The following HRH1 variants were observed in gnomAD, a reference collection of about 807,000 sequenced individuals.
The protein encoded by HRH1 is histamine receptor H1.
Under a neutral mutation model 10.3 loss-of-function variants are expected in HRH1, and 6 were observed. The observed-to-expected ratio is 0.58, with a 90% CI of 0.32 to 1.15. The LOEUF (loss-of-function observed/expected upper bound fraction) is 1.15. Among genes scored for constraint, HRH1 ranks in the 50% most tolerant of loss-of-function variants. The pLI, the probability that HRH1 is intolerant of heterozygous loss-of-function variation, is 0.05. For synonymous variants in HRH1, 242 were observed against 236.7 expected, an observed-to-expected ratio of 1.02 and a Z score of -0.21; for missense variants, 514 against 615.3, an observed-to-expected ratio of 0.84 and a Z score of 1.74.
chr3:11,194,288 A>G (rs1486396633), intron 1 of HRH1, among the ~76,000 whole-genome samples: 1 of 152,166 alleles, frequency 6.6e-6, no homozygotes, highest in Non-Finnish European at 1.5e-5. Flanking sequence ...GCATTTGAGC[A>G]AGTTTTTTCA....
chr3:11,184,747 C>G (rs1937420052), intron 1 of HRH1, among the ~76,000 whole-genome samples: 1 of 151,976 alleles, frequency 6.6e-6, no homozygotes, highest in African/African-American at 2.4e-5. Context: ...GAAACCCCGT[C>G]TCTACTAAAA....
intron 1 of HRH1, among the ~76,000 whole-genome samples, chr3:11,162,200 C>A (rs1203519776): frequency 2.0e-5 from 3 of 152,172 alleles, no homozygotes; most frequent in Non-Finnish European, 4.4e-5. Flanking sequence ...CCTATTTCAT[C>A]TCTCAGATTC....
intron 1 of HRH1, among the ~76,000 whole-genome samples, chr3:11,181,524 G>A (rs1937352591): frequency 6.6e-6 from 1 of 151,674 alleles, no homozygotes; most frequent in African/African-American, 2.4e-5. Context: ...TCTCATTGTG[G>A]TTTTGATTTG....
At chr3:11,200,877 A>G (rs1257492535) in intron 1 of HRH1, among the ~76,000 whole-genome samples, 2 of 152,184 alleles carry the variant, frequency 1.3e-5, no homozygotes, top group African/African-American at 4.8e-5. Flanking sequence ...CCATGACTTA[A>G]TATCATTTTA....
At chr3:11,190,451 C>T (rs995101822) in intron 1 of HRH1, among the ~76,000 whole-genome samples, 23 of 151,822 alleles carry the variant, frequency 1.5e-4, no homozygotes, top group African/African-American at 4.8e-5. Flanking sequence ...AGTGCAGTGG[C>T]GCGATCTTGG....
At chr3:11,183,944 G>A (rs1289215015) in intron 1 of HRH1, among the ~76,000 whole-genome samples, 2 of 147,818 alleles carry the variant, frequency 1.4e-5, no homozygotes, top group Non-Finnish European at 3.0e-5. Flanking sequence ...CCGTGTGACT[G>A]GTCCTTGGTG....
chr3:11,158,067 A>G (rs1936851610), intron 1 of HRH1, among the ~76,000 whole-genome samples: 1 of 152,252 alleles, frequency 6.6e-6, no homozygotes, highest in African/African-American at 2.4e-5. Context: ...TATGTGAATG[A>G]CAAATTGCTT....
intron 1 of HRH1, among the ~76,000 whole-genome samples, chr3:11,246,800 C>T (rs920186232): frequency 2.0e-5 from 3 of 151,830 alleles, no homozygotes; most frequent in Admixed American, 1.3e-4. Context: ...AATCCCAGCA[C>T]TTTGGGAGGC....
Position 11,259,834 on chromosome 3 carries a change from A to G in HRH1, c.797A>G (p.Asp266Gly). 1 of 1,613,976 alleles carries G rather than the reference A, an allele frequency of 6.2e-7. No homozygotes were observed. The highest frequency in any genetic ancestry group is 2.2e-5 in the East Asian group (1 of 44,874). ...GAGGTTCTGAAAAGGAAGCCAAAAG[A>G]TGCTGGTGGTGGATCTGTCTTGAAG... is the stretch of plus-strand genomic sequence containing the variant. ...PWEVLKRKPKDAGGGSVLKSP... is the reference protein window; with the variant it reads ...PWEVLKRKPKGAGGGSVLKSP... Residue 266 changes from aspartate (D) to glycine (G), a missense_variant, in exon 2 of 2, where the codon GAT becomes GGT. Coordinates refer to ENST00000431010, the MANE Select transcript of HRH1 (RefSeq NM_001098212.2). This position sits in a 1 kb window ranked among gnomAD's most constrained non-coding sequence, Gnocchi z 4.6.
At chr3:11,221,371 G>A (rs549793546) in intron 1 of HRH1, among the ~76,000 whole-genome samples, 3 of 151,892 alleles carry the variant, frequency 2.0e-5, no homozygotes, top group South Asian at 4.2e-4. Flanking sequence ...TGGGCAACAC[G>A]GTGAAACCCT....
chr3:11,244,996 G>A (rs1299773705), intron 1 of HRH1, among the ~76,000 whole-genome samples: 1 of 152,152 alleles, frequency 6.6e-6, no homozygotes, highest in East Asian at 1.9e-4. Flanking sequence ...CAGTACACAC[G>A]ACAGCTCCCC....
At chr3:11,253,778 T>G (rs1315502236) in intron 1 of HRH1, among the ~76,000 whole-genome samples, 1 of 152,162 alleles carries the variant, frequency 6.6e-6, no homozygotes, top group Non-Finnish European at 1.5e-5. Context: ...TAGCAGCCCT[T>G]TGTATCATGC....
At position 11,182,124 on chromosome 3, in the gene HRH1, A is replaced by G. The variant is rs987165918; in HGVS notation, c.-36+27570A>G. 2.6e-5 allele frequency among the ~76,000 whole-genome samples: 4 copies of G among 151,968 alleles called. No homozygotes were observed. In the East Asian group the frequency reaches 7.8e-4, roughly 30 times the overall value. On this transcript the variant is annotated intron_variant, in intron 1 of 1. Transcript: ENST00000431010. ...TAGCCTCCCTAGTAGCTGGGATTAC[A>G]GGTGCCTGCCACCGCACCTGGCTAA...
At position 11,235,223 on chromosome 3, in the gene HRH1, A is replaced by T. The variant is rs552685615; in HGVS notation, c.-35-23780A>T. Among the ~76,000 whole-genome samples the T allele has an allele frequency of 1.2e-3, 187 of 152,228 alleles. 1 individual carries two copies. Among genetic ancestry groups the T allele is most frequent in the African/African-American group, 4.3e-3 (177 of 41,526 alleles). On this transcript the variant is annotated intron_variant, in intron 1 of 1. Coordinates refer to ENST00000431010, the MANE Select transcript of HRH1 (RefSeq NM_001098212.2). ...GAGTGAGACTCCATCTCAAAAAAAAAAAAATGCTATTAGAAATCCCTTCTC... is the reference window on the plus strand; with the variant it reads ...GAGTGAGACTCCATCTCAAAAAAAATAAAATGCTATTAGAAATCCCTTCTC...
intron 1 of HRH1, among the ~76,000 whole-genome samples, chr3:11,172,764 C>G (rs13073044): frequency 1.4e-5 from 2 of 144,512 alleles, no homozygotes; most frequent in African/African-American, 2.7e-5. Context: ...GTGCAGTAGG[C>G]GATCTCGGCT....
chr3:11,211,554 G>A (rs1248002991), intron 1 of HRH1, among the ~76,000 whole-genome samples: 1 of 152,214 alleles, frequency 6.6e-6, no homozygotes, highest in Non-Finnish European at 1.5e-5. Flanking sequence ...CTCCAGCTGT[G>A]GCTTGTATCC....
intron 1 of HRH1, among the ~76,000 whole-genome samples, chr3:11,213,896 G>A (rs1192762135): frequency 3.3e-5 from 5 of 152,176 alleles, no homozygotes; most frequent in Admixed American, 6.5e-5. Flanking sequence ...AAATAAAATC[G>A]AAGGTGCTTC....
chr3:11,140,147 T>C (rs1260720856), intron 1 of HRH1, among the ~76,000 whole-genome samples: 1 of 152,178 alleles, frequency 6.6e-6, no homozygotes, highest in East Asian at 1.9e-4. Flanking sequence ...CCCGCGCAGC[T>C]GTTCTTAGCT....
At chr3:11,180,972 C>G (rs967579350) in intron 1 of HRH1, among the ~76,000 whole-genome samples, 11 of 150,734 alleles carry the variant, frequency 7.3e-5, no homozygotes, top group Admixed American at 6.6e-4. Flanking sequence ...CACACACACA[C>G]ACACACACAC....
Sources: gnomAD v4.1 joint callset for allele counts (sites outside exome capture counted in the v4.1 genomes callset) on GRCh38, gnomAD v4.1.1 for gene constraint, Gnocchi (gnomAD v3.1) non-coding constraint, MANE v1.5 for transcripts, NCBI Gene and HGNC (gene_info 2026-07-23, HGNC 2026-07-21) for gene names.